The following USH2A variants were observed in gnomAD, a reference collection of about 807,000 sequenced individuals.
USH2A encodes usherin.
Under a neutral mutation model 538.9 loss-of-function variants are expected in USH2A, and 443 were observed. The observed-to-expected ratio is 0.82, with a 90% CI of 0.76 to 0.89. The LOEUF (loss-of-function observed/expected upper bound fraction) is 0.89, where lower values mean the gene tolerates loss of function less well. USH2A is among the 40% of genes least tolerant of loss of function. USH2A has a pLI of 0.00. For synonymous variants in USH2A, 2,413 were observed against 2,273.5 expected, an observed-to-expected ratio of 1.06 and a Z score of -1.75; for missense variants, 6,633 against 6,324.8, an observed-to-expected ratio of 1.05 and a Z score of -1.65.
intron 43 of USH2A, among the ~76,000 whole-genome samples, chr1:215,871,675 G>GC (rs749501674): frequency 6.6e-6 from 1 of 152,108 alleles, no homozygotes; most frequent in Non-Finnish European, 1.5e-5. Context: ...TCCACCTGGA[G>GC]CCATAATGTA....
intron 49 of USH2A, among the ~76,000 whole-genome samples, chr1:215,803,569 C>T (rs1662402986): frequency 6.6e-6 from 1 of 152,124 alleles, no homozygotes; most frequent in Non-Finnish European, 1.5e-5. Flanking sequence ...AGGAATCCAA[C>T]TTACAAGGGA....
chr1:216,052,396 G>A (rs1443097875), intron 30 of USH2A, among the ~76,000 whole-genome samples: 2 of 151,074 alleles, frequency 1.3e-5, no homozygotes, highest in African/African-American at 4.9e-5. Flanking sequence ...AAAGAAGAAA[G>A]CTGATGTTTT....
chr1:216,142,490 G>A (rs2033620821), intron 21 of USH2A, among the ~76,000 whole-genome samples: 1 of 152,128 alleles, frequency 6.6e-6, no homozygotes, highest in Middle Eastern at 3.2e-3. Context: ...CAGAAAATGT[G>A]AAGAGTTGGC....
chr1:215,830,535 A>C (rs1663282732), intron 47 of USH2A, among the ~76,000 whole-genome samples: 2 of 152,190 alleles, frequency 1.3e-5, no homozygotes, highest in Admixed American at 1.3e-4. Context: ...TGGGAGGCAA[A>C]CATTTCAAAA....
At chr1:215,714,488 T>C (rs1282146059) in intron 61 of USH2A, among the ~76,000 whole-genome samples, 1 of 152,216 alleles carries the variant, frequency 6.6e-6, no homozygotes, top group Non-Finnish European at 1.5e-5. Context: ...AATAACTTAA[T>C]GGGTTCTCAT....
At chr1:216,048,745 G>C in intron 30 of USH2A, 98 bp from the exon 31 acceptor site, 1 of 1,029,158 alleles carries the variant, frequency 9.7e-7, no homozygotes, top group Admixed American at 1.7e-5. Context: ...AAGAGAGAGA[G>C]ACAAAAACAA....
At chr1:216,038,244 A>C (rs151061645) in intron 32 of USH2A, among the ~76,000 whole-genome samples, 266 of 152,096 alleles carry the variant, frequency 1.7e-3, no homozygotes, top group African/African-American at 6.3e-3. Flanking sequence ...GTAAAACATC[A>C]ATGATTTCAC....
In USH2A at chr1:215,943,019, C is replaced by T. The variant is rs73092428; in HGVS notation, c.7121-8224G>A. Among the ~76,000 whole-genome samples, 1,019 of 152,246 alleles carry T rather than the reference C, an allele frequency of 6.7e-3. 13 individuals are homozygous for T. Among genetic ancestry groups the T allele is most frequent in the African/African-American group, 0.023 (959 of 41,558 alleles). ...CCCAGAATTCTGCCCAGTGCATCTT[C>T]GCACCCTCTAGCAACACCTAGTGCT... On this transcript the variant is annotated intron_variant, in intron 37 of 71. Coordinates refer to ENST00000307340, the MANE Select transcript of USH2A (RefSeq NM_206933.4).
At position 216,193,682 on chromosome 1, in the gene USH2A, G is replaced by T. The variant is rs180963887; in HGVS notation, c.4251+2871C>A. On this transcript the variant is annotated intron_variant, in intron 19 of 71. Transcript: ENST00000307340. ...CAGAGGAGACAGAGACACAGAGTAGGACTTGTGAAGACAGAGGCAGCAGAT... is the reference window on the plus strand; with the variant it reads ...CAGAGGAGACAGAGACACAGAGTAGTACTTGTGAAGACAGAGGCAGCAGAT... 1.7e-3 allele frequency among the ~76,000 whole-genome samples: 255 copies of T among 152,168 alleles called. 3 individuals are homozygous for T. Among genetic ancestry groups the T allele is most frequent in the African/African-American group, 5.7e-3 (235 of 41,538 alleles).
chr1:215,965,176 T>C (rs1667307288), intron 37 of USH2A, 141 bp downstream of exon 37: 16 of 948,086 alleles, frequency 1.7e-5, no homozygotes, highest in Non-Finnish European at 2.5e-5. Flanking sequence ...GGCAGTAGCT[T>C]ATCCGTATAG....
At chr1:216,190,720 A>T (rs2034698012) in intron 19 of USH2A, among the ~76,000 whole-genome samples, 2 of 152,000 alleles carry the variant, frequency 1.3e-5, no homozygotes, top group South Asian at 4.1e-4. Context: ...AAACAAAGCC[A>T]TGGGGCTTGG....
chr1:216,109,436 C>T (rs1487212360), intron 21 of USH2A, among the ~76,000 whole-genome samples: 2 of 152,140 alleles, frequency 1.3e-5, no homozygotes, highest in Admixed American at 1.3e-4. Context: ...ACCTATGAAG[C>T]ACTTATTTCT....
At chr1:215,887,253 T>C (rs1263524972) in intron 41 of USH2A, among the ~76,000 whole-genome samples, 1 of 152,198 alleles carries the variant, frequency 6.6e-6, no homozygotes, top group Non-Finnish European at 1.5e-5. Context: ...CATTATGTAG[T>C]GTTGCCTTTG....
At chr1:216,327,719 T>C in intron 4 of USH2A, 65 bp from the exon 5 acceptor site, 1 of 1,576,748 alleles carries the variant, frequency 6.3e-7, no homozygotes, top group Non-Finnish European at 8.7e-7. Flanking sequence ...CTGACAAGTA[T>C]TTAAGTGATA....
intron 11 of USH2A, among the ~76,000 whole-genome samples, chr1:216,283,725 C>A (rs895391066): frequency 6.6e-6 from 1 of 152,086 alleles, no homozygotes; most frequent in Non-Finnish European, 1.5e-5. Flanking sequence ...TCCTTGCAGA[C>A]CATAAAGACC....
At position 215,780,050 on chromosome 1, in the gene USH2A, G is replaced by A. The variant is rs373853661; in HGVS notation, c.10741-9C>T. The stretch of plus-strand genomic sequence containing the variant: ...GTAGTAGCTGCAACTACCTGAAGAC[G>A]TAGGAATTAAGCAGCAATTTATTGT... On this transcript the variant is annotated splice_polypyrimidine_tract_variant and intron_variant, in intron 54 of 71. Coordinates refer to ENST00000307340, the MANE Select transcript of USH2A (RefSeq NM_206933.4). 73 of 1,613,878 alleles carry A rather than the reference G, an allele frequency of 4.5e-5. No homozygotes were observed. The highest frequency in any genetic ancestry group is 2.9e-4 in the South Asian group (26 of 91,078).
chr1:215,786,672 G>T lies in USH2A; in HGVS notation c.10385C>A (p.Thr3462Lys), dbSNP rs1416602859. 1 of 1,613,952 alleles carries T rather than the reference G, an allele frequency of 6.2e-7. No homozygotes were observed. Among genetic ancestry groups the T allele is most frequent in the South Asian group, 1.1e-5 (1 of 91,076 alleles). The change falls in exon 52 of 72, where the codon ACA becomes AAA. Residue 3462 changes from threonine (T) to lysine (K), a missense_variant and splice_region_variant. By Grantham distance (78) the Thr-to-Lys change is moderately conservative (BLOSUM62 -1). Transcript: ENST00000307340. Reference sequence around the variant, plus strand: ...GCAGACAGCTTGCTTTCTGTTACCTGTGTAAGAGTACGTGTTTACACTCCC... The same window carrying T: ...GCAGACAGCTTGCTTTCTGTTACCTTTGTAAGAGTACGTGTTTACACTCCC... The part of the protein sequence containing the change: ...HTGSVNTYSY[T>K]DVNLKPYMTY...
chr1:216,202,967 A>G (rs1165558491), intron 16 of USH2A, among the ~76,000 whole-genome samples: 1 of 152,110 alleles, frequency 6.6e-6, no homozygotes, highest in Non-Finnish European at 1.5e-5. Flanking sequence ...GTTTACTTAT[A>G]TGTCTCCCCA....
chr1:215,656,094 C>T (rs916066095), intron 64 of USH2A, among the ~76,000 whole-genome samples: 1 of 152,176 alleles, frequency 6.6e-6, no homozygotes, highest in Non-Finnish European at 1.5e-5. Context: ...TTATCACATT[C>T]CCATAAGGGG....
Sources: gnomAD v4.1 joint callset for allele counts (sites outside exome capture counted in the v4.1 genomes callset) on GRCh38, gnomAD v4.1.1 for gene constraint, MANE v1.5 for transcripts, NCBI Gene and HGNC (gene_info 2026-07-23, HGNC 2026-07-21) for gene names.